Variants in CACHD1 observed in about 807,000 individuals in gnomAD.
CACHD1 encodes cache domain containing 1.
CACHD1 carries 71 observed loss-of-function variants against 138.7 expected under a neutral mutation model. That is an observed-to-expected ratio of 0.51 (90% CI 0.42 to 0.62). CACHD1 has a LOEUF of 0.62. Ranked by LOEUF, CACHD1 falls within the 20% of genes least tolerant of loss-of-function variation. The pLI is 0.00. For synonymous variants in CACHD1, 578 were observed against 591.5 expected (o/e 0.98, Z 0.33); for missense variants, 1,389 against 1,625.3 (o/e 0.85, Z 2.50).
intron 26 of CACHD1, among the ~76,000 whole-genome samples, chr1:64,689,453 C>A (rs1174571227): frequency 2.0e-5 from 3 of 152,142 alleles, no homozygotes; most frequent in African/African-American, 7.2e-5. Flanking sequence ...TAAATCTGTC[C>A]AATCCCACTG....
chr1:64,470,809 T>A lies in CACHD1; in HGVS notation c.65T>A (p.Leu22Gln). The A allele has an allele frequency of 7.1e-7, 1 of 1,410,142 alleles. No homozygotes were observed. Among genetic ancestry groups the A allele is most frequent in the Non-Finnish European group, 9.7e-7 (1 of 1,031,204 alleles). 87.4% of individuals were successfully genotyped at this position (1,410,142 alleles called of 1,614,324 possible). Residue 22 changes from leucine (L) to glutamine (Q), a missense_variant, in exon 1 of 27, where the codon CTG (leucine) becomes CAG (glutamine). Coordinates refer to ENST00000651257, the MANE Select transcript of CACHD1 (RefSeq NM_020925.4). This position sits in a 1 kb window ranked among gnomAD's most constrained non-coding sequence, Gnocchi z 5.2. ...CGGGCGCGGCGGCCGCCCCTCTGGC[T>A]GCTCTGCCTGGTCGCGTGCTGGCTC... ...VARARRPPLW[L>Q]LCLVACWLLG...
chr1:64,527,647 G>C (rs1368117687), intron 1 of CACHD1, among the ~76,000 whole-genome samples: 1 of 152,150 alleles, frequency 6.6e-6, no homozygotes, highest in Non-Finnish European at 1.5e-5. Context: ...AACGATTATA[G>C]TTTAAAACCA....
At position 64,691,449 on chromosome 1, in the gene CACHD1, C is replaced by G. The variant is rs755596352; in HGVS notation, c.3713C>G (p.Ala1238Gly). ...DLDLDTPPQT[A>G]ALLSHKFHHY... ...GACCTGGATACCCCCCCTCAGACTG[C>G]TGCCCTACTAAGTCACAAGTTCCAC... Residue 1238 changes from alanine to glycine, a missense_variant, in exon 27 of 27, where the codon GCT becomes GGT. Coordinates refer to ENST00000651257, the MANE Select transcript of CACHD1 (RefSeq NM_020925.4). The G allele has an allele frequency of 6.2e-7, 1 of 1,614,110 alleles. No individual in the cohort carries two copies. Among genetic ancestry groups the G allele is most frequent in the Non-Finnish European group, 8.5e-7 (1 of 1,180,012 alleles).
At chr1:64,473,177 T>C (rs1646155396) in intron 1 of CACHD1, among the ~76,000 whole-genome samples, 1 of 152,164 alleles carries the variant, frequency 6.6e-6, no homozygotes, top group Admixed American at 6.5e-5. Context: ...TCTGGCAAAA[T>C]GTGAAGTGGC....
chr1:64,675,881 T>G lies in CACHD1; in HGVS notation c.2889-16T>G, dbSNP rs373841854. On this transcript the variant is annotated splice_polypyrimidine_tract_variant and intron_variant, in intron 20 of 26. Transcript: ENST00000651257. ...CCATTGACCTTCTGCATAGTAACTT[T>G]CTTTTTGCTTTTCAGAATGGAACAA... 2.1e-4 allele frequency: 315 copies of G among 1,514,732 alleles called. 1 individual carries two copies. The highest frequency in any genetic ancestry group is 2.7e-4 in the Non-Finnish European group (304 of 1,127,688). 93.8% of individuals were successfully genotyped at this position (1,514,732 alleles called of 1,614,324 possible).
intron 3 of CACHD1, among the ~76,000 whole-genome samples, chr1:64,592,704 G>T (rs1647116813): frequency 6.6e-6 from 1 of 152,190 alleles, no homozygotes; most frequent in Admixed American, 6.5e-5. Context: ...TCGGTAAGCA[G>T]TAGTTTTAAA....
At chr1:64,525,828 G>A (rs185663272) in intron 1 of CACHD1, among the ~76,000 whole-genome samples, 1 of 152,314 alleles carries the variant, frequency 6.6e-6, no homozygotes, top group Non-Finnish European at 1.5e-5. Flanking sequence ...AGGTGAGGAA[G>A]AACACACTGC....
intron 1 of CACHD1, among the ~76,000 whole-genome samples, chr1:64,475,472 AT>A (rs1646169630): frequency 6.6e-6 from 1 of 152,108 alleles, no homozygotes; most frequent in African/African-American, 2.4e-5. Flanking sequence ...GTCCTGCATT[AT>A]TCATTTTCGC....
rs1235183676 is a variant in CACHD1, at chr1:64,647,785, C to T, written c.1157-16C>T. 4 of 1,611,380 alleles carry T rather than the reference C, an allele frequency of 2.5e-6. No individual in the cohort carries two copies. Among genetic ancestry groups the T allele is most frequent in the Non-Finnish European group, 3.4e-6 (4 of 1,177,806 alleles). On this transcript the variant is annotated splice_polypyrimidine_tract_variant and intron_variant, in intron 8 of 26. Coordinates refer to ENST00000651257, the MANE Select transcript of CACHD1 (RefSeq NM_020925.4). ...CATTTTGCTTTCCGTGGTCTTCTCT[C>T]GGCTTTCCATTTTAGATGGGGTGAC...
chr1:64,484,520 G>A (rs777166068), intron 1 of CACHD1, among the ~76,000 whole-genome samples: 11 of 152,206 alleles, frequency 7.2e-5, no homozygotes, highest in Non-Finnish European at 1.2e-4. Flanking sequence ...GTGGCCAAAA[G>A]TGTACAGTTC....
chr1:64,649,984 C>T (rs1464163222), intron 9 of CACHD1, among the ~76,000 whole-genome samples: 1 of 152,128 alleles, frequency 6.6e-6, no homozygotes, highest in South Asian at 2.1e-4. Flanking sequence ...TAGGGAAACC[C>T]ATGTTTATGT....
In CACHD1 at chr1:64,653,763, A is replaced by G; in HGVS notation, c.1546A>G (p.Thr516Ala). ...ATTTTGTTTTCTTATTGCAGGATAT[A>G]CACTTATGCACCCATCTCTTACCAG... ...YTFLIDDKGY[T>A]LMHPSLTRPY... The change falls in exon 11 of 27, where the codon ACA becomes GCA. Residue 516 changes from threonine to alanine, a missense_variant. By Grantham distance (58) the Thr-to-Ala change is moderately conservative. Transcript: ENST00000651257. 1 of 1,611,270 alleles carries G rather than the reference A, an allele frequency of 6.2e-7. No individual in the cohort carries two copies. The highest frequency in any genetic ancestry group is 8.5e-7 in the Non-Finnish European group (1 of 1,178,500).
chr1:64,589,435 G>C (rs895373915), intron 3 of CACHD1, among the ~76,000 whole-genome samples: 1 of 152,070 alleles, frequency 6.6e-6, no homozygotes, highest in Admixed American at 6.5e-5. Flanking sequence ...TTATAACCTT[G>C]TGTTAGATAG....
chr1:64,470,681 G>A lies in CACHD1; in HGVS notation c.-64G>A. 1 of 462,674 alleles carries A rather than the reference G, an allele frequency of 2.2e-6. No homozygotes were observed. The allele number at this position is 462,674 out of a possible 1,614,324, so 28.7% of individuals were successfully genotyped here. A position where few individuals can be genotyped will look rare whatever the true frequency, so the allele number is the denominator to read the frequency against. On this transcript the variant is annotated 5_prime_UTR_variant, in exon 1 of 27. Coordinates refer to ENST00000651257, the MANE Select transcript of CACHD1 (RefSeq NM_020925.4). This position sits in a 1 kb window ranked among gnomAD's most constrained non-coding sequence, Gnocchi z 5.2. ...CGGGGTGCGCCGCGCTTTTGCGGGGGGCACCTCCCGCGGCCCGCTTCCCCG... is the reference window on the plus strand; with the variant it reads ...CGGGGTGCGCCGCGCTTTTGCGGGGAGCACCTCCCGCGGCCCGCTTCCCCG...
chr1:64,647,841 T>C lies in CACHD1; in HGVS notation c.1197T>C (p.Asp399=). 6.2e-7 allele frequency: 1 copy of C among 1,614,156 alleles called. No individual in the cohort carries two copies. The highest frequency in any genetic ancestry group is 1.1e-5 in the South Asian group (1 of 91,080). The stretch of plus-strand genomic sequence containing the variant: ...TGAAAGAGCTGGCTTTTCTGAGGGA[T>C]CTAGCTGAACAGAATTCAGGGAAGT... ...TGLKELAFLR[D]LAEQNSGKYG... is the part of the protein sequence containing the mutation. The change falls in exon 9 of 27, where the codon GAT becomes GAC. Residue 399 remains aspartate (D), a synonymous_variant. Transcript: ENST00000651257.
intron 2 of CACHD1, among the ~76,000 whole-genome samples, chr1:64,559,827 T>C (rs1451891828): frequency 2.6e-5 from 4 of 152,174 alleles, no homozygotes; most frequent in African/African-American, 9.7e-5. Context: ...GTTTCTTTAA[T>C]AGATATAGAT....
intron 1 of CACHD1, among the ~76,000 whole-genome samples, chr1:64,519,695 T>TGATGTTTTAGTTAGTCTTATGATGAGCAC (rs1553128833): frequency 4.0e-5 from 6 of 150,306 alleles, no homozygotes; most frequent in South Asian, 2.1e-4. Flanking sequence ...CCAAAAAACT[T>TGATGTTTTAGTTAGTCTTATGATGAGCAC]GATGTTTTAG....
At chr1:64,594,347 T>A (rs1034325435) in intron 3 of CACHD1, among the ~76,000 whole-genome samples, 2 of 152,202 alleles carry the variant, frequency 1.3e-5, no homozygotes, top group African/African-American at 4.8e-5. Flanking sequence ...GCTGTTTTCT[T>A]TTAATGGTAC....
chr1:64,549,909 A>G (rs887023304), intron 1 of CACHD1, among the ~76,000 whole-genome samples: 2 of 151,998 alleles, frequency 1.3e-5, no homozygotes, highest in African/African-American at 4.8e-5. Context: ...TGGTAAAGTC[A>G]TAAGTCTGCA....
Sources: allele counts gnomAD v4.1 joint callset (sites outside exome capture counted in the v4.1 genomes callset), GRCh38; gene constraint gnomAD v4.1.1; non-coding constraint Gnocchi (gnomAD v3.1); transcripts MANE v1.5; gene names NCBI Gene and HGNC (gene_info 2026-07-23, HGNC 2026-07-21).